The following FAM131B variants were observed in gnomAD, a reference collection of about 807,000 sequenced individuals.
FAM131B encodes protein FAM131B.
Under a neutral mutation model 42.0 loss-of-function variants are expected in FAM131B, and 19 were observed. The observed-to-expected ratio is 0.45, with a 90% CI of 0.32 to 0.66. FAM131B has a LOEUF of 0.66. FAM131B is among the 30% of genes least tolerant of loss of function. The pLI is 0.05. For missense variants in FAM131B, 370 were observed against 468.4 expected, an observed-to-expected ratio of 0.79 and a Z score of 1.94; for synonymous variants, 183 against 177.6, an observed-to-expected ratio of 1.03 and a Z score of -0.24.
chr7:143,381,178 T>TG, the FAM131B span: 1 of 990,018 alleles, frequency 1.0e-6, no homozygotes. Flanking sequence ...GGCCCCTTCC[T>TG]GGGGGAGTTT....
At chr7:143,381,775 G>A in the FAM131B span, 8 of 1,571,874 alleles carry the variant, frequency 5.1e-6, no homozygotes, top group Non-Finnish European at 6.9e-6. Context: ...CGCCGCCCCC[G>A]GAAGGTATGC....
Position 143,356,995 on chromosome 7 carries a change from C to T in FAM131B, c.638G>A (p.Gly213Glu). 4 of 1,613,738 alleles carry T rather than the reference C, an allele frequency of 2.5e-6. No individual in the cohort carries two copies. Among genetic ancestry groups the T allele is most frequent in the Non-Finnish European group, 3.4e-6 (4 of 1,179,890 alleles). Residue 213 changes from glycine (G) to glutamate (E), a missense_variant, in exon 7 of 7, where the codon GGA becomes GAA. By Grantham distance (98) the Gly-to-Glu change is moderately conservative. Transcript: ENST00000443739. The surrounding 1 kb of genome is among the most constrained non-coding windows in gnomAD (Gnocchi z 4.4). ...CTGGGACACGTAAGAGTGAGGCCAT[C>T]CATCCATGGGTGCTTGAGCCAGGGC... ...QDALAQAPMD[G>E]WPHSYVSQGM...
chr7:143,360,140 A>C lies in FAM131B; in HGVS notation c.38T>G (p.Val13Gly). The change falls in exon 2 of 7, where the codon GTG (valine) becomes GGG (glycine). Residue 13 changes from valine to glycine, a missense_variant. By Grantham distance (109) the Val-to-Gly change is moderately radical. Transcript: ENST00000443739. The part of the protein sequence containing the change: ...CIGSRTVGNE[V>G]IAVDWKGLKD... Reference sequence around the variant, plus strand: ...CAGGCCCTTCCAATCCACTGCAATCACCTCATTCCCTGAGGGGGCCAGAAG... The same window carrying C: ...CAGGCCCTTCCAATCCACTGCAATCCCCTCATTCCCTGAGGGGGCCAGAAG... The C allele has an allele frequency of 1.2e-6, 2 of 1,611,620 alleles. No homozygotes were observed. The highest frequency in any genetic ancestry group is 1.7e-6 in the Non-Finnish European group (2 of 1,178,960).
the FAM131B span, chr7:143,380,780 C>G: frequency 3.0e-6 from 3 of 985,148 alleles, no homozygotes; most frequent in African/African-American, 3.5e-5. This position sits in a 1 kb window ranked among gnomAD's most constrained non-coding sequence, Gnocchi z 5.0. Flanking sequence ...CCTCACCCCC[C>G]ATCCCCGTGC....
At position 143,356,986 on chromosome 7, in the gene FAM131B, T is replaced by C; in HGVS notation, c.647A>G (p.His216Arg). 6.2e-7 allele frequency: 1 copy of C among 1,613,324 alleles called. No individual in the cohort carries two copies. Among genetic ancestry groups the C allele is most frequent in the Non-Finnish European group, 8.5e-7 (1 of 1,179,872 alleles). The change falls in exon 7 of 7, where the codon CAC (histidine) becomes CGC (arginine). Residue 216 changes from histidine (H) to arginine (R), a missense_variant. His to Arg is a conservative substitution (Grantham distance 29). Transcript: ENST00000443739. The surrounding 1 kb of genome is among the most constrained non-coding windows in gnomAD (Gnocchi z 4.4). Reference protein sequence around the residue: ...LAQAPMDGWPHSYVSQGMYCL... With the variant: ...LAQAPMDGWPRSYVSQGMYCL... The stretch of plus-strand genomic sequence containing the variant: ...GTACATACCCTGGGACACGTAAGAG[T>C]GAGGCCATCCATCCATGGGTGCTTG...
chr7:143,354,978 C>CGGAA lies in FAM131B; in HGVS notation c.*1571_*1572insTTCC, dbSNP rs3841180. 28,832 of 152,206 alleles carry CGGAA rather than the reference C, an allele frequency of 0.19. 2,986 individuals carry two copies. The highest frequency in any genetic ancestry group is 0.3 in the East Asian group (1,555 of 5,142). The allele number at this position is 152,206 out of a possible 1,614,324, so 9.4% of individuals were successfully genotyped here. Reference sequence around the variant, plus strand: ...GGCCAGGAGAGGACAACAGTGCTCCCTTCCAGCAGAGGATGCAAGTGGTAG... The same window carrying CGGAA: ...GGCCAGGAGAGGACAACAGTGCTCCCGGAATTCCAGCAGAGGATGCAAGTGGTAG... On this transcript the variant is annotated 3_prime_UTR_variant, in exon 7 of 7. Transcript: ENST00000443739.
At chr7:143,381,610 G>T in the FAM131B span, 4 of 1,611,934 alleles carry the variant, frequency 2.5e-6, no homozygotes, top group Non-Finnish European at 3.4e-6. Flanking sequence ...TCTCCGTTTC[G>T]GTCTCGGCTC....
rs1258060474 is a variant in FAM131B at position 143,356,600 on chromosome 7, A to G, written c.1033T>C (p.Ser345Pro). The change falls in exon 7 of 7, where the codon TCC (serine) becomes CCC (proline). Residue 345 changes from serine to proline, a missense_variant. By Grantham distance (74) the Ser-to-Pro change is moderately conservative (BLOSUM62 -1). Coordinates refer to ENST00000443739, the MANE Select transcript of FAM131B (RefSeq NM_001031690.3). The surrounding 1 kb of genome is among the most constrained non-coding windows in gnomAD (Gnocchi z 4.4). ...TCATCAAAGGACTGCACACCTGAGG[A>G]TGTGACGTCAGACACCTTCCGGCTG... ...ALSRKVSDVTSSGVQSFDEEE... is the reference protein window; with the variant it reads ...ALSRKVSDVTPSGVQSFDEEE... 3.7e-6 allele frequency: 6 copies of G among 1,613,748 alleles called. No individual in the cohort carries two copies.
the FAM131B span, among the ~76,000 whole-genome samples, chr7:143,370,392 TC>T: frequency 6.6e-6 from 1 of 152,156 alleles, no homozygotes; most frequent in East Asian, 1.9e-4. Context: ...AGCAACTCCA[TC>T]TTGAATAGGA....
At chr7:143,376,871 T>C in the FAM131B span, among the ~76,000 whole-genome samples, 1 of 152,236 alleles carries the variant, frequency 6.6e-6, no homozygotes, top group Admixed American at 6.5e-5. Context: ...TTTCAGATTA[T>C]AAAGTAATAC....
intron 6 of FAM131B, 103 bp downstream of exon 6, chr7:143,357,177 G>T: frequency 7.7e-7 from 1 of 1,306,214 alleles, no homozygotes; most frequent in Non-Finnish European, 1.1e-6. Flanking sequence ...GGAAAGCTGA[G>T]ATGGACAAGG....
In FAM131B at chr7:143,362,515, G is replaced by C; in HGVS notation, c.28+61C>G. The C allele has an allele frequency of 1.3e-6, 1 of 742,834 alleles. No individual in the cohort carries two copies. The highest frequency in any genetic ancestry group is 1.8e-6 in the Non-Finnish European group (1 of 543,846). The allele number at this position is 742,834 out of a possible 1,614,324, so 46.0% of individuals were successfully genotyped here. Reference sequence around the variant, plus strand: ...CGGAGGCGCGAGGAGAGGGATGGGGGAGGGGGTCGGAGGGCGGCCCGGGGG... The same window carrying C: ...CGGAGGCGCGAGGAGAGGGATGGGGCAGGGGGTCGGAGGGCGGCCCGGGGG... On this transcript the variant is annotated intron_variant, in intron 1 of 6. Coordinates refer to ENST00000443739, the MANE Select transcript of FAM131B (RefSeq NM_001031690.3). The surrounding 1 kb of genome is among the most constrained non-coding windows in gnomAD (Gnocchi z 7.7).
chr7:143,378,424 C>G, the FAM131B span, among the ~76,000 whole-genome samples: 1 of 151,108 alleles, frequency 6.6e-6, no homozygotes, highest in Non-Finnish European at 1.5e-5. Context: ...TCTCCCTGGC[C>G]TGGTCTTAAG....
chr7:143,379,873 G>T, the FAM131B span: 2 of 171,750 alleles, frequency 1.2e-5, no homozygotes, highest in Non-Finnish European at 2.3e-5. Context: ...TGATATCAGG[G>T]GTGCAAGGCA....
At chr7:143,369,904 T>C in the FAM131B span, among the ~76,000 whole-genome samples, 1 of 152,034 alleles carries the variant, frequency 6.6e-6, no homozygotes, top group Admixed American at 6.6e-5. Flanking sequence ...TGGGTGGGGG[T>C]CCACTTGAAA....
At position 143,359,662 on chromosome 7, in the gene FAM131B, A is replaced by G. The variant is rs939635357; in HGVS notation, c.174+70T>C. On this transcript the variant is annotated intron_variant, in intron 3 of 6. Coordinates refer to ENST00000443739, the MANE Select transcript of FAM131B (RefSeq NM_001031690.3). The surrounding 1 kb of genome is among the most constrained non-coding windows in gnomAD (Gnocchi z 5.4). ...AGCCAGGGAATACCGTGCTGGTTGG[A>G]AGGTGCAAGGGAGAAGATGAGGAGG... is the stretch of plus-strand genomic sequence containing the variant. 34 of 1,408,352 alleles carry G rather than the reference A, an allele frequency of 2.4e-5. No homozygotes were observed. Among genetic ancestry groups the G allele is most frequent in the Non-Finnish European group, 3.1e-5 (31 of 1,015,762 alleles). 87.2% of individuals were successfully genotyped at this position (1,408,352 alleles called of 1,614,324 possible). A position where few individuals can be genotyped will look rare whatever the true frequency, so the allele number is the denominator to read the frequency against.
upstream of FAM131B, among the ~76,000 whole-genome samples, chr7:143,367,632 G>C (rs1359008310): frequency 6.6e-6 from 1 of 152,164 alleles, no homozygotes; most frequent in Non-Finnish European, 1.5e-5. Context: ...TTGAACCCGG[G>C]AGGTGGAGGT....
the FAM131B span, among the ~76,000 whole-genome samples, chr7:143,375,991 C>T: frequency 1.3e-5 from 2 of 152,224 alleles, no homozygotes; most frequent in Admixed American, 6.5e-5. Context: ...GCCCCTTCCA[C>T]CCACCACACA....
the FAM131B span, among the ~76,000 whole-genome samples, chr7:143,377,378 A>G: frequency 6.6e-6 from 1 of 152,214 alleles, no homozygotes; most frequent in African/African-American, 2.4e-5. Flanking sequence ...ATATAAACAG[A>G]CAGAATTTGA....
Sources: gnomAD v4.1 joint callset for allele counts (sites outside exome capture counted in the v4.1 genomes callset) on GRCh38, gnomAD v4.1.1 for gene constraint, Gnocchi (gnomAD v3.1) non-coding constraint, MANE v1.5 for transcripts, NCBI Gene and HGNC (gene_info 2026-07-23, HGNC 2026-07-21) for gene names.